The following AGPAT2 variants were observed in gnomAD, a reference collection of about 807,000 sequenced individuals.
AGPAT2 encodes 1-acylglycerol-3-phosphate O-acyltransferase 2.
Under a neutral mutation model 26.1 loss-of-function variants are expected in AGPAT2, and 18 were observed. That is an observed-to-expected ratio of 0.69 (90% CI 0.48 to 1.02). The LOEUF (loss-of-function observed/expected upper bound fraction) is 1.02, where lower values mean the gene tolerates loss of function less well. Ranked by LOEUF, AGPAT2 falls within the 50% of genes least tolerant of loss-of-function variation. The probability of loss-of-function intolerance (pLI) is 0.00; values close to 1 mark genes in which losing one functional copy is unlikely to be tolerated. For synonymous variants in AGPAT2, 200 were observed against 174.2 expected (o/e 1.15, Z -1.16); for missense variants, 415 against 394.9 (o/e 1.05, Z -0.43).
At position 136,673,600 on chromosome 9, in the gene AGPAT2, T is replaced by C; in HGVS notation, c.*152A>G. On this transcript the variant is annotated 3_prime_UTR_variant, in exon 6 of 6. Transcript: ENST00000371696. ...ACCAGGGGCCTGTGTCTGAGGCCAG[T>C]GACAGAAGGGGCTTCCTGCTTCCCG... 6.8e-6 allele frequency: 6 copies of C among 878,960 alleles called. No individual in the cohort carries two copies. Among genetic ancestry groups the C allele is most frequent in the Non-Finnish European group, 9.7e-6 (6 of 615,524 alleles). 54.4% of individuals were successfully genotyped at this position (878,960 alleles called of 1,614,324 possible). A position where few individuals can be genotyped will look rare whatever the true frequency, so the allele number is the denominator to read the frequency against.
At chr9:136,681,000 C>A (rs1846153171) in intron 1 of AGPAT2, among the ~76,000 whole-genome samples, 1 of 152,244 alleles carries the variant, frequency 6.6e-6, no homozygotes, top group Middle Eastern at 3.4e-3. Flanking sequence ...CACGCACCAC[C>A]TAAACAATAT....
At chr9:136,676,939 G>A (rs555502431) in intron 3 of AGPAT2, 22 bp downstream of exon 3, 30 of 544,898 alleles carry the variant, frequency 5.5e-5, no homozygotes, top group African/African-American at 2.2e-4. Flanking sequence ...CAACCCCACC[G>A]AGCCCGGCCC....
In AGPAT2 at chr9:136,673,791, G is replaced by A. The variant is rs370809970; in HGVS notation, c.798C>T (p.Asn266=). The change falls in exon 6 of 6, where the codon AAC becomes AAT. Residue 266 remains asparagine (N), a synonymous_variant. Coordinates refer to ENST00000371696, the MANE Select transcript of AGPAT2 (RefSeq NM_006412.4). ...GCACGCCAGACCCCGCAGTGGCCCCGTTCTCCTGGGGGGTCTTGGAGATGT... is the reference window on the plus strand; with the variant it reads ...GCACGCCAGACCCCGCAGTGGCCCCATTCTCCTGGGGGGTCTTGGAGATGT... ...FLHISKTPQE[N]GATAGSGVQP... The A allele has an allele frequency of 3.2e-5, 52 of 1,604,382 alleles. No individual in the cohort carries two copies. The highest frequency in any genetic ancestry group is 5.1e-5 in the Admixed American group (3 of 59,128).
intron 1 of AGPAT2, among the ~76,000 whole-genome samples, chr9:136,677,991 T>C (rs898140274): frequency 6.6e-6 from 1 of 152,026 alleles, no homozygotes; most frequent in Non-Finnish European, 1.5e-5. Flanking sequence ...CCACACACCC[T>C]GGGGAAGGTC....
At chr9:136,685,397 G>C (rs1846209448) in intron 1 of AGPAT2, among the ~76,000 whole-genome samples, 1 of 152,240 alleles carries the variant, frequency 6.6e-6, no homozygotes, top group East Asian at 1.9e-4. Flanking sequence ...CAGGTCCATA[G>C]AAAGGGCAGC....
chr9:136,676,769 G>C, intron 3 of AGPAT2, 89 bp from the exon 4 acceptor site: 1 of 1,388,352 alleles, frequency 7.2e-7, no homozygotes. Context: ...GCCCCACTTC[G>C]CAAAGCAGCT....
intron 1 of AGPAT2, among the ~76,000 whole-genome samples, chr9:136,685,605 G>A (rs964691815): frequency 2.0e-5 from 3 of 152,144 alleles, no homozygotes; most frequent in Non-Finnish European, 2.9e-5. Flanking sequence ...ACAGGACCCC[G>A]TCCCCTGTCC....
chr9:136,685,071 A>T (rs1015054565), intron 1 of AGPAT2, among the ~76,000 whole-genome samples: 3 of 152,216 alleles, frequency 2.0e-5, no homozygotes, highest in Non-Finnish European at 4.4e-5. Context: ...GAGCACGTGC[A>T]GAGGTGTGGG....
chr9:136,684,873 A>G (rs1283512011), intron 1 of AGPAT2, among the ~76,000 whole-genome samples: 1 of 152,200 alleles, frequency 6.6e-6, no homozygotes, highest in Non-Finnish European at 1.5e-5. Context: ...GCAGGAACAG[A>G]GGCCGAGTAT....
In AGPAT2 at chr9:136,687,071, G is replaced by C. The variant is rs999645898; in HGVS notation, c.182+105C>G. On this transcript the variant is annotated intron_variant, in intron 1 of 5. Coordinates refer to ENST00000371696, the MANE Select transcript of AGPAT2 (RefSeq NM_006412.4). ...CGCGCTCTCCCCGGAGCCCCGGAGC[G>C]GGGCGGGACGGGCGGGGCAGGAAGG... The C allele has an allele frequency of 1.1e-5, 15 of 1,312,144 alleles. No homozygotes were observed. In the African/African-American group the frequency reaches 1.4e-4, roughly 12 times the overall value. The allele number at this position is 1,312,144 out of a possible 1,614,324, so 81.3% of individuals were successfully genotyped here.
chr9:136,683,461 G>A (rs1159293423), intron 1 of AGPAT2, among the ~76,000 whole-genome samples: 1 of 152,184 alleles, frequency 6.6e-6, no homozygotes, highest in Non-Finnish European at 1.5e-5. Context: ...TCAGCTGCGT[G>A]AGCTCATTCA....
Position 136,673,633 on chromosome 9 carries a change from T to A in AGPAT2, c.*119A>T, listed in dbSNP as rs970044931. The A allele has an allele frequency of 1.7e-6, 2 of 1,158,486 alleles. No homozygotes were observed. Among genetic ancestry groups the A allele is most frequent in the Non-Finnish European group, 2.3e-6 (2 of 859,172 alleles). 71.8% of individuals were successfully genotyped at this position (1,158,486 alleles called of 1,614,324 possible). ...GGGGCTTCCTGCTTCCCGGGCTGAG[T>A]GAGAGCTGGGGGAGCCGGACAGAGT... On this transcript the variant is annotated 3_prime_UTR_variant, in exon 6 of 6. Coordinates refer to ENST00000371696, the MANE Select transcript of AGPAT2 (RefSeq NM_006412.4).
chr9:136,674,017 C>CA, intron 5 of AGPAT2, 90 bp from the exon 6 acceptor site: 1 of 1,290,602 alleles, frequency 7.7e-7, no homozygotes, highest in Non-Finnish European at 1.0e-6. Context: ...CCCAGCCCCC[C>CA]ACAGCCCCTC....
chr9:136,682,056 A>G (rs1051425718), intron 1 of AGPAT2, among the ~76,000 whole-genome samples: 4 of 152,184 alleles, frequency 2.6e-5, no homozygotes, highest in Admixed American at 6.5e-5. Context: ...TGCGAGGTTC[A>G]AGGTTCAGCA....
At position 136,684,153 on chromosome 9, in the gene AGPAT2, G is replaced by A. The variant is rs187334070; in HGVS notation, c.182+3023C>T. On this transcript the variant is annotated intron_variant, in intron 1 of 5. Transcript: ENST00000371696. ...GGTGGGAATAGAGGTCAAAGGAGCC[G>A]GAAACTAACTGCTGTTTCCCTAGGC... Among the ~76,000 whole-genome samples, 25 of 152,290 alleles carry A rather than the reference G, an allele frequency of 1.6e-4. 1 individual carries two copies. Among genetic ancestry groups the A allele is most frequent in the Middle Eastern group, 6.8e-3 (2 of 294 alleles).
At chr9:136,677,711 C>T (rs536140239) in intron 1 of AGPAT2, among the ~76,000 whole-genome samples, 155 bp from the exon 2 acceptor site, 3 of 152,254 alleles carry the variant, frequency 2.0e-5, no homozygotes, top group South Asian at 4.1e-4. Flanking sequence ...GCCCCTGAAG[C>T]GGACAGAGTC....
chr9:136,680,212 C>T (rs1040404639), intron 1 of AGPAT2, among the ~76,000 whole-genome samples: 1 of 152,122 alleles, frequency 6.6e-6, no homozygotes, highest in Admixed American at 6.6e-5. Context: ...GTGACATTGG[C>T]CAGTTCCATC....
chr9:136,678,955 C>A (rs565539065), intron 1 of AGPAT2, among the ~76,000 whole-genome samples: 1 of 152,212 alleles, frequency 6.6e-6, no homozygotes, highest in African/African-American at 2.4e-5. Flanking sequence ...CTTTCACCAT[C>A]TCTGGCCAGG....
At chr9:136,681,958 C>G (rs1846166561) in intron 1 of AGPAT2, among the ~76,000 whole-genome samples, 1 of 152,152 alleles carries the variant, frequency 6.6e-6, no homozygotes, top group South Asian at 2.1e-4. Context: ...AGCCTCGAGA[C>G]AAGGGCTCTA....
Sources: allele counts gnomAD v4.1 joint callset (sites outside exome capture counted in the v4.1 genomes callset), GRCh38; gene constraint gnomAD v4.1.1; transcripts MANE v1.5; gene names NCBI Gene and HGNC (gene_info 2026-07-23, HGNC 2026-07-21).